Variants in PRSS57 observed in about 807,000 individuals in gnomAD.
PRSS57 encodes serine protease 57.
In PRSS57, 19 loss-of-function variants were observed where a neutral mutation model predicts 20.6. That is an observed-to-expected ratio of 0.92 (90% CI 0.64 to 1.35). PRSS57 has a LOEUF of 1.35. Ranked by LOEUF, PRSS57 falls within the 40% of genes most tolerant of loss-of-function variation. The pLI is 0.00. For missense variants in PRSS57, 440 were observed against 403.7 expected, an observed-to-expected ratio of 1.09 and a Z score of -0.77; for synonymous variants, 203 against 176.6, an observed-to-expected ratio of 1.15 and a Z score of -1.19.
chr19:690,691 T>A (rs2031620560), intron 3 of PRSS57: 1 of 303,662 alleles, frequency 3.3e-6, no homozygotes, highest in African/African-American at 2.2e-5. Context: ...AGGCGTCTGT[T>A]CCCACCGGGG....
rs373212190 is a variant in PRSS57, at chr19:687,075, C to G, written c.492G>C (p.Val164=). ...TRCRVAGWGF[V]SDFEELPPGL... ...CAGGCGGCAGCTCCTCAAAGTCAGA[C>G]ACGAAGCCCCAGCCAGCCACCCGGC... The change falls in exon 4 of 5, where the codon GTG becomes GTC. Residue 164 remains valine (V), a synonymous_variant. Transcript: ENST00000329267. 2 of 1,613,984 alleles carry G rather than the reference C, an allele frequency of 1.2e-6. No homozygotes were observed. Among genetic ancestry groups the G allele is most frequent in the Admixed American group, 3.3e-5 (2 of 60,018 alleles).
intron 3 of PRSS57, among the ~76,000 whole-genome samples, chr19:689,068 T>C (rs1297948632): frequency 6.8e-6 from 1 of 147,748 alleles, no homozygotes; most frequent in African/African-American, 2.5e-5. Flanking sequence ...AGGAAGCGGG[T>C]GGTCCAGGGG....
At chr19:694,694 C>T (rs2031738060) in intron 2 of PRSS57, 120 bp downstream of exon 2, 1 of 1,158,758 alleles carries the variant, frequency 8.6e-7, no homozygotes, top group South Asian at 1.6e-5. Context: ...TAAATCCAGC[C>T]CCTGCTGAGA....
intron 1 of PRSS57, 29 bp from the exon 2 acceptor site, chr19:694,996 C>T (rs755280959): frequency 4.0e-6 from 6 of 1,493,414 alleles, no homozygotes; most frequent in African/African-American, 2.8e-5. Context: ...GAGTCAGGGA[C>T]GAGGCGGGAG....
rs370770621 is a variant in PRSS57, at chr19:685,811, C to T, written c.754G>A (p.Ala252Thr). The stretch of plus-strand genomic sequence containing the variant: ...ACGTCCCAGATCCAGGCCACAAAGG[C>T]GGACACCTGCGTGTACACGTCGGGG... Reference protein sequence around the residue: ...KTPDVYTQVSAFVAWIWDVVR... With the variant: ...KTPDVYTQVSTFVAWIWDVVR... Residue 252 changes from alanine to threonine, a missense_variant, in exon 5 of 5, where the codon GCC (alanine) becomes ACC (threonine). By Grantham distance (58) the Ala-to-Thr change is moderately conservative. Coordinates refer to ENST00000329267, the MANE Select transcript of PRSS57 (RefSeq NM_001308209.2). 1.9e-5 allele frequency: 29 copies of T among 1,565,278 alleles called. No individual in the cohort carries two copies. The highest frequency in any genetic ancestry group is 4.1e-5 in the African/African-American group (3 of 73,692).
intron 3 of PRSS57, chr19:691,016 C>A: frequency 2.6e-6 from 1 of 382,260 alleles, no homozygotes; most frequent in East Asian, 6.3e-5. Flanking sequence ...GGCCACTTTG[C>A]CAAGGCCGCC....
chr19:687,695 G>A (rs548951754), intron 3 of PRSS57, among the ~76,000 whole-genome samples: 178 of 152,184 alleles, frequency 1.2e-3, no homozygotes, highest in African/African-American at 3.9e-3. Flanking sequence ...GTGAGCCGCC[G>A]CGCCCAGCCT....
At chr19:691,833 C>T (rs66871177) in intron 3 of PRSS57, 25 bp downstream of exon 3, 134,829 of 1,322,222 alleles carry the variant, frequency 0.1, 7,912 homozygotes, top group East Asian at 0.29. Flanking sequence ...ACTAAACATA[C>T]GTCAGATCCA....
intron 3 of PRSS57, among the ~76,000 whole-genome samples, chr19:689,672 A>G (rs1473724928): frequency 1.3e-5 from 2 of 152,152 alleles, no homozygotes; most frequent in Admixed American, 6.6e-5. Flanking sequence ...TAATCCCAGC[A>G]CTTTGCGGGG....
At chr19:693,229 C>CTTTTTTTTTTTTTTTTTTT (rs1171032187) in intron 2 of PRSS57, among the ~76,000 whole-genome samples, 1 of 109,128 alleles carries the variant, frequency 9.2e-6, no homozygotes. Context: ...CCGCACCCGG[C>CTTTTTTTTTTTTTTTTTTT]CTTTTTTTTT....
chr19:692,433 T>TC (rs1555684710), intron 2 of PRSS57, among the ~76,000 whole-genome samples: 14 of 140,894 alleles, frequency 9.9e-5, no homozygotes, highest in African/African-American at 1.6e-4. Flanking sequence ...TTTTCTTTTT[T>TC]TTTTTTTTTG....
intron 3 of PRSS57, among the ~76,000 whole-genome samples, chr19:690,070 T>G (rs2031598573): frequency 7.4e-6 from 1 of 135,290 alleles, no homozygotes; most frequent in Non-Finnish European, 1.6e-5. Flanking sequence ...AGGCCAGGAT[T>G]GGGAGGCAGA....
intron 3 of PRSS57, chr19:690,978 C>A: frequency 2.2e-6 from 1 of 446,184 alleles, no homozygotes; most frequent in East Asian, 5.6e-5. Flanking sequence ...ACTGCTACAC[C>A]TTAGCCAGGG....
At chr19:692,043 G>GC (rs764134154) in intron 2 of PRSS57, 41 bp from the exon 3 acceptor site, 4 of 1,282,028 alleles carry the variant, frequency 3.1e-6, no homozygotes, top group Middle Eastern at 2.6e-4. Context: ...GGTGAGGGCT[G>GC]CCCGTCCTGG....
chr19:690,980 T>G, intron 3 of PRSS57: 1 of 438,884 alleles, frequency 2.3e-6, no homozygotes, highest in East Asian at 5.7e-5. Context: ...TGCTACACCT[T>G]AGCCAGGGGC....
chr19:690,316 A>AAG (rs2031608227), intron 3 of PRSS57: 1 of 152,550 alleles, frequency 6.6e-6, no homozygotes, highest in African/African-American at 2.4e-5. Context: ...TCTGAAAAAA[A>AAG]AAAAAATAGC....
intron 3 of PRSS57, chr19:691,007 G>C: frequency 2.6e-6 from 1 of 387,562 alleles, no homozygotes; most frequent in South Asian, 2.5e-5. Flanking sequence ...GCCACCCTGG[G>C]CCACTTTGCC....
At chr19:687,787 TGCTCACCAGCCAGGGCCTCTGA>T (rs2031520837) in intron 3 of PRSS57, among the ~76,000 whole-genome samples, 2 of 152,036 alleles carry the variant, frequency 1.3e-5, no homozygotes, top group Non-Finnish European at 2.9e-5. Flanking sequence ...AAAACCTCTT[TGCTCACCAGCCAGGGCCTCTGA>T]GGGCTCTCCA....
At chr19:690,919 G>A (rs781752446) in intron 3 of PRSS57, 12 of 449,024 alleles carry the variant, frequency 2.7e-5, no homozygotes, top group East Asian at 5.7e-5. Context: ...CGCTGGCATC[G>A]TCTGGGCGCC....
Sources: allele counts gnomAD v4.1 joint callset (sites outside exome capture counted in the v4.1 genomes callset), GRCh38; gene constraint gnomAD v4.1.1; transcripts MANE v1.5; gene names NCBI Gene and HGNC (gene_info 2026-07-23, HGNC 2026-07-21).